Variants in OLFML2B observed in about 807,000 individuals in gnomAD.
OLFML2B encodes olfactomedin-like protein 2B.
OLFML2B carries 57 observed loss-of-function variants against 74.9 expected under a neutral mutation model. The observed-to-expected ratio is 0.76, with a 90% CI of 0.61 to 0.95. The LOEUF (loss-of-function observed/expected upper bound fraction) is 0.95, where lower values mean the gene tolerates loss of function less well. OLFML2B is among the 40% of genes least tolerant of loss of function. OLFML2B has a pLI of 0.00. For missense variants in OLFML2B, 986 were observed against 970.6 expected, an observed-to-expected ratio of 1.02 and a Z score of -0.21; for synonymous variants, 388 against 405.8, an observed-to-expected ratio of 0.96 and a Z score of 0.53.
chr1:162,014,196 T>C (rs1690469856), intron 3 of OLFML2B, among the ~76,000 whole-genome samples: 1 of 152,198 alleles, frequency 6.6e-6, no homozygotes, highest in Non-Finnish European at 1.5e-5. Context: ...TTAAACTATA[T>C]TCATTGTTTA....
In OLFML2B at chr1:161,984,252, A is replaced by G; in HGVS notation, c.1676T>C (p.Leu559Pro). 6.6e-7 allele frequency: 1 copy of G among 1,522,362 alleles called. No homozygotes were observed. The highest frequency in any genetic ancestry group is 8.8e-7 in the Non-Finnish European group (1 of 1,136,302). 94.3% of individuals were successfully genotyped at this position (1,522,362 alleles called of 1,614,324 possible). The change falls in exon 8 of 8, where the codon CTC (leucine) becomes CCC (proline). Residue 559 changes from leucine to proline, a missense_variant. Transcript: ENST00000294794. Reference protein sequence around the residue: ...KQGRWSNSYKLPYSWIGTGHV... With the variant: ...KQGRWSNSYKPPYSWIGTGHV... ...GCCTGTGCCGATCCAGCTGTACGGG[A>G]GCTTGTAGGAATTGCTCCAGCGACC...
At chr1:162,000,676 C>T (rs955077039) in intron 4 of OLFML2B, among the ~76,000 whole-genome samples, 1 of 152,146 alleles carries the variant, frequency 6.6e-6, no homozygotes, top group African/African-American at 2.4e-5. Flanking sequence ...CTATGCTTGA[C>T]GTATACTGCC....
chr1:162,023,378 G>A lies in OLFML2B; in HGVS notation c.53C>T (p.Ala18Val). ...VLYFALIVVP[A>V]WVSSIVLTGT... ...TGTGAGGACAATGCTGGACACCCAG[G>A]CCGGAACCACAATCAGAGCGAAGTA... The change falls in exon 1 of 8, where the codon GCC becomes GTC. Residue 18 changes from alanine (A) to valine (V), a missense_variant. Transcript: ENST00000294794. 3.7e-6 allele frequency: 6 copies of A among 1,603,556 alleles called. No homozygotes were observed. The highest frequency in any genetic ancestry group is 5.1e-6 in the Non-Finnish European group (6 of 1,173,874).
Position 162,006,477 on chromosome 1 carries a change from A to T in OLFML2B, c.547-4T>A. ...TGGTGAGGTTTTTAGACACTTCCTG[A>T]GAAGGAAAAAAAAAAGATGATCCAT... On this transcript the variant is annotated splice_region_variant and splice_polypyrimidine_tract_variant and intron_variant, in intron 3 of 7. Transcript: ENST00000294794. The T allele has an allele frequency of 6.9e-7, 1 of 1,442,150 alleles. No homozygotes were observed. The highest frequency in any genetic ancestry group is 9.1e-7 in the Non-Finnish European group (1 of 1,102,448). 89.3% of individuals were successfully genotyped at this position (1,442,150 alleles called of 1,614,324 possible).
At chr1:162,011,362 G>A (rs543197213) in intron 3 of OLFML2B, among the ~76,000 whole-genome samples, 43 of 152,292 alleles carry the variant, frequency 2.8e-4, no homozygotes, top group East Asian at 1.2e-3. Context: ...GGACCCAAGG[G>A]GGGAGGGCTC....
At chr1:162,008,532 G>A (rs1690294262) in intron 3 of OLFML2B, among the ~76,000 whole-genome samples, 1 of 152,206 alleles carries the variant, frequency 6.6e-6, no homozygotes, top group African/African-American at 2.4e-5. Context: ...CAAAAAGCCG[G>A]AGAATACTTA....
At chr1:162,023,222 G>C in intron 1 of OLFML2B, 35 bp downstream of exon 1, 1 of 1,468,478 alleles carries the variant, frequency 6.8e-7, no homozygotes, top group Non-Finnish European at 9.1e-7. Context: ...CACCATCCAG[G>C]GCAAGAAGGG....
chr1:162,002,110 G>A (rs1213706385), intron 4 of OLFML2B, among the ~76,000 whole-genome samples: 1 of 152,214 alleles, frequency 6.6e-6, no homozygotes, highest in Non-Finnish European at 1.5e-5. Flanking sequence ...ACCTTTGAAA[G>A]CAAAGGACCT....
chr1:161,983,657 C>T lies in OLFML2B; in HGVS notation c.*18G>A. Reference sequence around the variant, plus strand: ...TGCTAGTGACCCCTCTGTGCTTCTGCTTGTGGGGACAAGGGTGTCAGTAGG... The same window carrying T: ...TGCTAGTGACCCCTCTGTGCTTCTGTTTGTGGGGACAAGGGTGTCAGTAGG... On this transcript the variant is annotated 3_prime_UTR_variant, in exon 8 of 8. Coordinates refer to ENST00000294794, the MANE Select transcript of OLFML2B (RefSeq NM_015441.3). 8 of 1,588,970 alleles carry T rather than the reference C, an allele frequency of 5.0e-6. No homozygotes were observed. Among genetic ancestry groups the T allele is most frequent in the Non-Finnish European group, 6.9e-6 (8 of 1,164,658 alleles).
chr1:162,015,107 G>GT (rs1361153555), intron 3 of OLFML2B, among the ~76,000 whole-genome samples: 1 of 152,138 alleles, frequency 6.6e-6, no homozygotes. Flanking sequence ...TTTACAAAAC[G>GT]TAATATGCTA....
At chr1:162,007,215 G>A (rs113297089) in intron 3 of OLFML2B, among the ~76,000 whole-genome samples, 12 of 152,316 alleles carry the variant, frequency 7.9e-5, no homozygotes, top group African/African-American at 2.9e-4. Context: ...AAGGCTGTAA[G>A]TATCCTTGGG....
intron 6 of OLFML2B, among the ~76,000 whole-genome samples, chr1:161,986,476 G>A (rs1305209370): frequency 6.6e-6 from 1 of 152,208 alleles, no homozygotes; most frequent in Non-Finnish European, 1.5e-5. Flanking sequence ...CCCCATAGCT[G>A]GGTGCAGTTG....
In OLFML2B at chr1:162,017,650, T is replaced by C. The variant is rs1690581476; in HGVS notation, c.439-143A>G. 3 of 601,100 alleles carry C rather than the reference T, an allele frequency of 5.0e-6. No individual in the cohort carries two copies. The South Asian group carries it at 6.7e-5, about 13-fold the overall frequency. 37.2% of individuals were successfully genotyped at this position (601,100 alleles called of 1,614,324 possible). ...GGTTGCCGTGAGAAACACATTTGTG[T>C]AGACAGGGATGTAGGCAAGCACAAT... On this transcript the variant is annotated intron_variant, in intron 2 of 7. Transcript: ENST00000294794.
intron 6 of OLFML2B, among the ~76,000 whole-genome samples, chr1:161,989,828 C>T (rs1024971430): frequency 1.3e-5 from 2 of 152,190 alleles, no homozygotes; most frequent in Non-Finnish European, 2.9e-5. Flanking sequence ...CCACTACGTG[C>T]CTGAGTTCAG....
chr1:162,016,491 G>A (rs1690541211), intron 3 of OLFML2B, among the ~76,000 whole-genome samples: 1 of 152,164 alleles, frequency 6.6e-6, no homozygotes, highest in African/African-American at 2.4e-5. Flanking sequence ...TATGTTTACA[G>A]TCATTGTGTT....
chr1:162,009,340 G>C (rs1052881650), intron 3 of OLFML2B, among the ~76,000 whole-genome samples: 1 of 152,176 alleles, frequency 6.6e-6, no homozygotes, highest in South Asian at 2.1e-4. Context: ...ACACCTCTGG[G>C]TGGACTGACT....
rs1482872733 is a variant in OLFML2B at position 161,985,164 on chromosome 1, CCCTACACTTGAG to C, written c.1475-196_1475-185del. On this transcript the variant is annotated intron_variant, in intron 6 of 7. Coordinates refer to ENST00000294794, the MANE Select transcript of OLFML2B (RefSeq NM_015441.3). ...CTCCCCTGATCCACCCTACACTTGACCCTACACTTGAGCCTCCACCATGCCCATCTTTGGCAA... is the reference window on the plus strand; with the variant it reads ...CTCCCCTGATCCACCCTACACTTGACCCTCCACCATGCCCATCTTTGGCAA... 3 of 519,926 alleles carry C rather than the reference CCCTACACTTGAG, an allele frequency of 5.8e-6. No individual in the cohort carries two copies. In the African/African-American group the frequency reaches 5.9e-5, roughly 10 times the overall value. 32.2% of individuals were successfully genotyped at this position (519,926 alleles called of 1,614,324 possible).
chr1:161,992,899 A>G (rs143247352), intron 6 of OLFML2B, among the ~76,000 whole-genome samples: 1 of 152,260 alleles, frequency 6.6e-6, no homozygotes, highest in Non-Finnish European at 1.5e-5. Flanking sequence ...CAAAGTGAGC[A>G]CATAGGGTTG....
chr1:161,983,889 C>T lies in OLFML2B; in HGVS notation c.2039G>A (p.Cys680Tyr), dbSNP rs1315957573. The change falls in exon 8 of 8, where the codon TGT (cysteine) becomes TAT (tyrosine). Residue 680 changes from cysteine to tyrosine, a missense_variant. By Grantham distance (194) the Cys-to-Tyr change is radical. Coordinates refer to ENST00000294794, the MANE Select transcript of OLFML2B (RefSeq NM_015441.3). ...GCTATCCACGGCATACAGCACCCCA[C>T]AGATGACGAAGCAGTTGCCGTAGAA... ...RNFYGNCFVI[C>Y]GVLYAVDSYN... 1.2e-6 allele frequency: 2 copies of T among 1,614,234 alleles called. No homozygotes were observed.
Sources: gnomAD v4.1 joint callset for allele counts (sites outside exome capture counted in the v4.1 genomes callset) on GRCh38, gnomAD v4.1.1 for gene constraint, MANE v1.5 for transcripts, NCBI Gene and HGNC (gene_info 2026-07-23, HGNC 2026-07-21) for gene names.